RAB27A: variants seen among roughly 807,000 people sequenced by gnomAD.
RAB27A encodes the protein ras-related protein Rab-27A.
A neutral mutation model predicts 20.8 loss-of-function variants in RAB27A; 17 were observed. The ratio of observed to expected loss-of-function variants is 0.82; its 90% CI spans 0.56 to 1.23. The LOEUF is 1.23. RAB27A is among the 50% of genes most tolerant of loss of function. The pLI is 0.00. For missense variants in RAB27A, 277 were observed against 266.7 expected (o/e 1.04, Z -0.27); for synonymous variants, 85 against 92.8 (o/e 0.92, Z 0.48).
chr15:55,217,798 C>A lies in RAB27A; in HGVS notation c.467+6091G>T, dbSNP rs540235079. 2.6e-3 allele frequency among the ~76,000 whole-genome samples: 396 copies of A among 151,484 alleles called. 5 individuals are homozygous for A. The highest frequency in any genetic ancestry group is 9.1e-3 in the East Asian group (47 of 5,150). On this transcript the variant is annotated intron_variant, in intron 6 of 6. Transcript: ENST00000336787. ...GTAGCACCACCATGGAGCCGTATTGCCAAAGACGAAAAAATTCAGCACTGC... is the reference window on the plus strand; with the variant it reads ...GTAGCACCACCATGGAGCCGTATTGACAAAGACGAAAAAATTCAGCACTGC...
chr15:55,297,730 T>G (rs2054955307), intron 2 of RAB27A, among the ~76,000 whole-genome samples: 1 of 152,204 alleles, frequency 6.6e-6, no homozygotes. Context: ...CCCCACAAAT[T>G]ACGCAGCCAG....
intron 2 of RAB27A, among the ~76,000 whole-genome samples, chr15:55,239,585 A>G (rs1238782326): frequency 6.6e-6 from 1 of 152,170 alleles, no homozygotes; most frequent in African/African-American, 2.4e-5. Flanking sequence ...GAAATATGTG[A>G]TGAGTGACAC....
chr15:55,244,998 T>C (rs1896633540), intron 2 of RAB27A, among the ~76,000 whole-genome samples: 1 of 152,148 alleles, frequency 6.6e-6, no homozygotes, highest in Non-Finnish European at 1.5e-5. Context: ...AGGAAACACA[T>C]AACAGAGACA....
chr15:55,254,885 TGGGAAAAGGCA>T (rs1390229605), intron 2 of RAB27A, among the ~76,000 whole-genome samples: 1 of 152,228 alleles, frequency 6.6e-6, no homozygotes, highest in Non-Finnish European at 1.5e-5. Context: ...GTGACCCTTT[TGGGAAAAGGCA>T]GAGTTGGAAA....
At chr15:55,287,218 C>A (rs1021606450) in intron 1 of RAB27A, among the ~76,000 whole-genome samples, 4 of 152,008 alleles carry the variant, frequency 2.6e-5, no homozygotes, top group Non-Finnish European at 5.9e-5. Flanking sequence ...CCGCACCCGG[C>A]CTGCTGAGGA....
At chr15:55,274,307 G>C (rs1566932539) in intron 1 of RAB27A, among the ~76,000 whole-genome samples, 1 of 151,762 alleles carries the variant, frequency 6.6e-6, no homozygotes, top group Non-Finnish European at 1.5e-5. Flanking sequence ...AAGATCTCCA[G>C]TAAACAACCT....
intron 6 of RAB27A, among the ~76,000 whole-genome samples, chr15:55,210,075 TAC>T (rs545927322): frequency 0.15 from 17,177 of 114,004 alleles, 1,692 homozygotes; most frequent in African/African-American, 0.35. Context: ...TGTGTACATA[TAC>T]ATATATACAC....
chr15:55,267,554 T>C (rs1472154369), intron 2 of RAB27A, among the ~76,000 whole-genome samples: 1 of 152,172 alleles, frequency 6.6e-6, no homozygotes, highest in African/African-American at 2.4e-5. Context: ...TGCTGTTGCA[T>C]AGACAGCGCA....
At chr15:55,311,246 T>C (rs1462244130) in intron 2 of RAB27A, among the ~76,000 whole-genome samples, 1 of 152,240 alleles carries the variant, frequency 6.6e-6, no homozygotes. Context: ...ATCAAAGGAC[T>C]GTCCTAACCC....
intron 2 of RAB27A, among the ~76,000 whole-genome samples, chr15:55,262,347 C>T (rs1466255373): frequency 6.6e-6 from 1 of 151,932 alleles, no homozygotes; most frequent in African/African-American, 2.4e-5. Flanking sequence ...CCAGACCATC[C>T]TGGCTAACAC....
intron 1 of RAB27A, among the ~76,000 whole-genome samples, chr15:55,275,582 TGCCATTGAACTCCA>T (rs1295975969): frequency 6.6e-6 from 1 of 151,270 alleles, no homozygotes; most frequent in Admixed American, 6.6e-5. Context: ...GCAGAGGTTG[TGCCATTGAACTCCA>T]GCCAGGTGAC....
chr15:55,205,600 CT>C lies in RAB27A; in HGVS notation c.572del (p.Lys191SerfsTer20). ...IMKRMERCVD[K>X]SWIPEGVVRS... ...GCACCACTCCTTCAGGAATCCAGGA[CT>C]TGTCCACACACCGTTCCATTCGCTT... is the stretch of plus-strand genomic sequence containing the variant. On this transcript the variant is annotated frameshift_variant, in exon 7 of 7. Transcript: ENST00000336787. LOFTEE classifies it high-confidence loss of function. 6.2e-7 allele frequency: 1 copy of C among 1,614,142 alleles called. No individual in the cohort carries two copies. Among genetic ancestry groups the C allele is most frequent in the Non-Finnish European group, 8.5e-7 (1 of 1,180,010 alleles).
chr15:55,234,497 G>A (rs893621834), intron 3 of RAB27A, among the ~76,000 whole-genome samples: 1 of 152,170 alleles, frequency 6.6e-6, no homozygotes, highest in African/African-American at 2.4e-5. Flanking sequence ...GACAAAGGTA[G>A]ACAAATAACT....
intron 2 of RAB27A, among the ~76,000 whole-genome samples, chr15:55,267,018 G>A (rs1897515250): frequency 2.0e-5 from 3 of 152,202 alleles, no homozygotes; most frequent in Non-Finnish European, 4.4e-5. Flanking sequence ...AATGTAAGGA[G>A]CAGCAAGACA....
chr15:55,232,372 G>T (rs556869482), intron 3 of RAB27A, among the ~76,000 whole-genome samples: 1 of 152,152 alleles, frequency 6.6e-6, no homozygotes, highest in Non-Finnish European at 1.5e-5. Context: ...GTAGGGGAAA[G>T]AATCTGAGTT....
chr15:55,238,343 T>C (rs1038213197), intron 2 of RAB27A: 12 of 152,248 alleles, frequency 7.9e-5, no homozygotes, highest in African/African-American at 2.6e-4. Context: ...TAAATGCACA[T>C]TGGGCTTTAA....
intron 6 of RAB27A, among the ~76,000 whole-genome samples, chr15:55,208,035 G>A (rs533225410): frequency 1.3e-5 from 2 of 152,314 alleles, no homozygotes; most frequent in South Asian, 4.1e-4. Flanking sequence ...CAGCCCTAGA[G>A]AAGCTCTCAC....
exon 1 of RAB27A, chr15:55,318,944 G>C (rs1474568826): frequency 1.8e-5 from 6 of 331,590 alleles, no homozygotes; most frequent in Non-Finnish European, 3.4e-5. Context: ...CGACTGTTCT[G>C]CGCCTGCTCC....
At chr15:55,229,104 AT>A (rs988343341) in intron 4 of RAB27A, among the ~76,000 whole-genome samples, 15 of 152,080 alleles carry the variant, frequency 9.9e-5, no homozygotes, top group African/African-American at 3.6e-4. Flanking sequence ...TCTGATAGCC[AT>A]TTGTTTGGCT....
Sources: gnomAD v4.1 joint callset for allele counts (sites outside exome capture counted in the v4.1 genomes callset) on GRCh38, gnomAD v4.1.1 for gene constraint, MANE v1.5 for transcripts, NCBI Gene and HGNC (gene_info 2026-07-23, HGNC 2026-07-21) for gene names.